GAL3ST1: variants seen among roughly 807,000 people sequenced by gnomAD.
The protein encoded by GAL3ST1 is galactose-3-O-sulfotransferase 1, also known as galactosylceramide sulfotransferase.
In GAL3ST1, 13 loss-of-function variants were observed where a neutral mutation model predicts 25.0. The ratio of observed to expected loss-of-function variants is 0.52; its 90% confidence interval spans 0.34 to 0.83. GAL3ST1 has a LOEUF of 0.83. GAL3ST1 is among the 40% of genes least tolerant of loss of function. The pLI, the probability that GAL3ST1 is intolerant of heterozygous loss-of-function variation, is 0.02. For missense variants in GAL3ST1, 474 were observed against 613.6 expected, an observed-to-expected ratio of 0.77 and a Z score of 2.40; for synonymous variants, 274 against 277.8, an observed-to-expected ratio of 0.99 and a Z score of 0.14.
At chr22:30,559,879 T>C (rs1443943554) in intron 1 of GAL3ST1, among the ~76,000 whole-genome samples, 1 of 152,230 alleles carries the variant, frequency 6.6e-6, no homozygotes. Context: ...AACTTTCCAC[T>C]TCTGTCCTGG....
chr22:30,558,742 C>T (rs1198810781), intron 1 of GAL3ST1, among the ~76,000 whole-genome samples: 2 of 152,240 alleles, frequency 1.3e-5, no homozygotes, highest in African/African-American at 2.4e-5. Context: ...CACATACCCA[C>T]CCCCTTTCCA....
At chr22:30,566,173 G>A (rs4820867) in intron 1 of GAL3ST1, 9,879 of 152,328 alleles carry the variant, frequency 0.065, 389 homozygotes, top group African/African-American at 0.088. Flanking sequence ...ACTGGAACCA[G>A]GTTTGGGACA....
At chr22:30,556,149 C>T (rs549068393) in intron 3 of GAL3ST1, 56 bp from the exon 4 acceptor site, 14 of 1,374,056 alleles carry the variant, frequency 1.0e-5, no homozygotes, top group Admixed American at 1.9e-5. Flanking sequence ...GCCCTCAGGA[C>T]TCTGGTAGTT....
At chr22:30,558,418 G>C (rs1310146246) in intron 1 of GAL3ST1, 30 bp from the exon 2 acceptor site, 1 of 152,116 alleles carries the variant, frequency 6.6e-6, no homozygotes, top group East Asian at 1.9e-4. Flanking sequence ...AAATAAATAA[G>C]AAGGAAAAGA....
chr22:30,564,188 G>T (rs986556452), intron 1 of GAL3ST1, among the ~76,000 whole-genome samples: 12 of 152,182 alleles, frequency 7.9e-5, no homozygotes, highest in Non-Finnish European at 1.5e-5. Context: ...GCCCGAGGCT[G>T]GTGCAGAGCA....
At chr22:30,556,983 C>G (rs1207776194) in intron 3 of GAL3ST1, among the ~76,000 whole-genome samples, 1 of 152,242 alleles carries the variant, frequency 6.6e-6, no homozygotes, top group Non-Finnish European at 1.5e-5. Flanking sequence ...GATCTGCCCG[C>G]CTGGGCCTCC....
rs1306705443 is a variant in GAL3ST1 at position 30,555,065 on chromosome 22, G to A, written c.1160C>T (p.Ala387Val). The A allele has an allele frequency of 6.2e-7, 1 of 1,612,682 alleles. No homozygotes were observed. Among genetic ancestry groups the A allele is most frequent in the East Asian group, 2.2e-5 (1 of 44,866 alleles). The change falls in exon 4 of 4, where the codon GCG becomes GTG. Residue 387 changes from alanine to valine, a missense_variant. Ala to Val is a moderately conservative substitution (Grantham distance 64, BLOSUM62 0). Around this residue, in one of 2 missense-constraint regions of GAL3ST1, gnomAD observed 359 missense variants for 504.4 expected, o/e 0.71. Coordinates refer to ENST00000406361, the MANE Select transcript of GAL3ST1 (RefSeq NM_001318104.2). The surrounding 1 kb of genome is among the most constrained non-coding windows in gnomAD (Gnocchi z 8.6). ...CGTGAGCATGCGCCGGCAGAGCTGC[G>A]CGTGCCGCTGCCCGATGCTCTTCTT... ...NLKKSIGQRH[A>V]QLCRRMLTPE... is the part of the protein sequence containing the mutation.
intron 1 of GAL3ST1, among the ~76,000 whole-genome samples, chr22:30,561,088 G>T (rs997144315): frequency 5.3e-5 from 8 of 152,158 alleles, no homozygotes; most frequent in Admixed American, 1.3e-4. Flanking sequence ...GGGACTACAG[G>T]TGCCCACCAC....
chr22:30,565,937 C>T (rs565300845), intron 1 of GAL3ST1, among the ~76,000 whole-genome samples: 7 of 152,260 alleles, frequency 4.6e-5, no homozygotes, highest in African/African-American at 1.7e-4. Context: ...CAGGTGCCAC[C>T]ATCAATTAAT....
chr22:30,557,525 G>T, intron 2 of GAL3ST1, 124 bp from the exon 3 acceptor site: 2 of 1,011,896 alleles, frequency 2.0e-6, no homozygotes, highest in East Asian at 5.1e-5. Context: ...GCAGGGTCCA[G>T]ACAGGGACAG....
At chr22:30,567,317 G>A (rs989942490) in intron 1 of GAL3ST1, among the ~76,000 whole-genome samples, 1 of 152,134 alleles carries the variant, frequency 6.6e-6, no homozygotes, top group Non-Finnish European at 1.5e-5. Context: ...CTGTCACCCA[G>A]GCTGGAGTAC....
At chr22:30,565,364 C>T (rs535620730) in intron 1 of GAL3ST1, among the ~76,000 whole-genome samples, 5 of 152,304 alleles carry the variant, frequency 3.3e-5, no homozygotes, top group African/African-American at 1.2e-4. Flanking sequence ...GTCACCTGCC[C>T]AAGGTCACGC....
Position 30,555,418 on chromosome 22 carries a change from C to T in GAL3ST1, c.807G>A (p.Glu269=). Residue 269 remains glutamate (E), a synonymous_variant, in exon 4 of 4, where the codon GAG becomes GAA. Coordinates refer to ENST00000406361, the MANE Select transcript of GAL3ST1 (RefSeq NM_001318104.2). This position sits in a 1 kb window ranked among gnomAD's most constrained non-coding sequence, Gnocchi z 8.6. ...LVLLKDLLCW[E]LEDVLYFKLN... The stretch of plus-strand genomic sequence containing the variant: ...GCTTGAAGTAGAGCACGTCCTCCAG[C>T]TCCCAGCACAGCAGGTCCTTCAGCA... 1 of 1,611,122 alleles carries T rather than the reference C, an allele frequency of 6.2e-7. No individual in the cohort carries two copies. Among genetic ancestry groups the T allele is most frequent in the Non-Finnish European group, 8.5e-7 (1 of 1,179,932 alleles).
At chr22:30,566,682 T>C (rs2086634823) in intron 1 of GAL3ST1, among the ~76,000 whole-genome samples, 1 of 152,036 alleles carries the variant, frequency 6.6e-6, no homozygotes, top group African/African-American at 2.4e-5. Flanking sequence ...CCATCTCAGC[T>C]CACTGCAAAC....
chr22:30,571,175 G>A (rs1182031077), intron 1 of GAL3ST1, among the ~76,000 whole-genome samples: 2 of 152,202 alleles, frequency 1.3e-5, no homozygotes, highest in Non-Finnish European at 2.9e-5. Context: ...ACCAAGTGAG[G>A]AAGGGGCAAC....
chr22:30,562,636 C>T (rs916477361), intron 1 of GAL3ST1, among the ~76,000 whole-genome samples: 3 of 152,326 alleles, frequency 2.0e-5, no homozygotes, highest in Non-Finnish European at 2.9e-5. Flanking sequence ...CTGAGCTCCC[C>T]GAGCCTGGCA....
At chr22:30,565,485 A>C (rs537255801) in intron 1 of GAL3ST1, among the ~76,000 whole-genome samples, 1 of 152,346 alleles carries the variant, frequency 6.6e-6, no homozygotes, top group South Asian at 2.1e-4. Context: ...AATCTGTGGG[A>C]ACCCAGAAGA....
chr22:30,573,152 C>T (rs962220692), intron 1 of GAL3ST1, among the ~76,000 whole-genome samples: 3 of 152,148 alleles, frequency 2.0e-5, no homozygotes, highest in Non-Finnish European at 4.4e-5. Flanking sequence ...CCTGCTCACC[C>T]GCTGAAGTGT....
At chr22:30,561,085 C>A (rs1024366276) in intron 1 of GAL3ST1, among the ~76,000 whole-genome samples, 1 of 152,196 alleles carries the variant, frequency 6.6e-6, no homozygotes, top group Non-Finnish European at 1.5e-5. Context: ...GCTGGGACTA[C>A]AGGTGCCCAC....
Sources: gnomAD v4.1 joint callset for allele counts (sites outside exome capture counted in the v4.1 genomes callset) on GRCh38, gnomAD v4.1.1 for gene constraint, gnomAD v4.1.1 regional missense constraint, Gnocchi (gnomAD v3.1) non-coding constraint, MANE v1.5 for transcripts, NCBI Gene and HGNC (gene_info 2026-07-23, HGNC 2026-07-21) for gene names.